BCAS3: variants seen among roughly 807,000 people sequenced by gnomAD.
BCAS3 encodes BCAS4/BCAS3 fusion.
BCAS3 carries 53 observed loss-of-function variants against 116.1 expected under a neutral mutation model. That is an observed-to-expected ratio of 0.46 (90% confidence interval 0.37 to 0.57). The LOEUF (loss-of-function observed/expected upper bound fraction) is 0.57. Ranked by LOEUF, BCAS3 falls within the 20% of genes least tolerant of loss-of-function variation. The pLI is 0.00. For missense variants in BCAS3, 917 were observed against 1,165.4 expected (o/e 0.79, Z 3.10); for synonymous variants, 391 against 408.2 (o/e 0.96, Z 0.51).
Position 61,037,647 on chromosome 17 carries a change from C to T in BCAS3, c.1763-242C>T, listed in dbSNP as rs1360324781. On this transcript the variant is annotated intron_variant, in intron 17 of 23. Coordinates refer to ENST00000407086, the MANE Select transcript of BCAS3 (RefSeq NM_017679.5). The surrounding 1 kb of genome is among the most constrained non-coding windows in gnomAD (Gnocchi z 4.7). ...ATTAGCCGGGTGTGGTGACAGGAGC[C>T]TGTAATCCCAGCTACTCAAGAGGCT... Among the ~76,000 whole-genome samples the T allele has an allele frequency of 6.6e-6, 1 of 152,114 alleles. No homozygotes were observed. Among genetic ancestry groups the T allele is most frequent in the Non-Finnish European group, 1.5e-5 (1 of 68,024 alleles).
At chr17:61,275,000 G>A (rs1006779911) in intron 22 of BCAS3, among the ~76,000 whole-genome samples, 16 of 152,180 alleles carry the variant, frequency 1.1e-4, no homozygotes, top group African/African-American at 3.6e-4. Flanking sequence ...ACAGATGAAC[G>A]CCACCATACT....
intron 22 of BCAS3, among the ~76,000 whole-genome samples, chr17:61,093,057 C>G (rs980180210): frequency 1.3e-5 from 2 of 151,834 alleles, no homozygotes; most frequent in Non-Finnish European, 2.9e-5. Flanking sequence ...CAGGTGCCCA[C>G]TACCACGCCC....
At chr17:60,786,547 G>GTGTATATATATATATATATATATATA (rs575616960) in intron 6 of BCAS3, among the ~76,000 whole-genome samples, 1 of 140,702 alleles carries the variant, frequency 7.1e-6, no homozygotes, top group African/African-American at 2.6e-5. Context: ...CTGCAAATGT[G>GTGTATATATATATATATATATATATA]TATATATATA....
intron 7 of BCAS3, among the ~76,000 whole-genome samples, chr17:60,820,362 T>A (rs1044729450): frequency 2.0e-5 from 3 of 152,152 alleles, no homozygotes; most frequent in Non-Finnish European, 4.4e-5. Context: ...GGGCATCTTA[T>A]TTCTCCAGAG....
intron 22 of BCAS3, among the ~76,000 whole-genome samples, chr17:61,107,865 G>A (rs1427521826): frequency 6.6e-6 from 1 of 152,174 alleles, no homozygotes; most frequent in Non-Finnish European, 1.5e-5. Flanking sequence ...TCATTCCACT[G>A]AGCTAAAGGC....
chr17:61,372,056 C>T (rs573105323), intron 23 of BCAS3, among the ~76,000 whole-genome samples: 3 of 152,310 alleles, frequency 2.0e-5, no homozygotes, highest in South Asian at 2.1e-4. Flanking sequence ...TCTTTCCATT[C>T]GGCAAACTCC....
intron 4 of BCAS3, among the ~76,000 whole-genome samples, chr17:60,693,894 T>C (rs2035215603): frequency 6.7e-6 from 1 of 148,360 alleles, no homozygotes; most frequent in Admixed American, 6.7e-5. Flanking sequence ...AATTTTTTTT[T>C]TTTTTTTTTG....
intron 13 of BCAS3, among the ~76,000 whole-genome samples, chr17:60,929,881 C>G (rs1355681418): frequency 6.6e-6 from 1 of 151,418 alleles, no homozygotes. Flanking sequence ...CATCTATGTC[C>G]CTACAAAGGA....
intron 22 of BCAS3, among the ~76,000 whole-genome samples, chr17:61,266,872 G>T (rs2049766503): frequency 1.3e-5 from 2 of 152,068 alleles, no homozygotes; most frequent in Non-Finnish European, 2.9e-5. Flanking sequence ...TTTCAGAAAG[G>T]CTAGAATAAA....
chr17:60,970,194 T>C (rs2061880394), intron 14 of BCAS3, among the ~76,000 whole-genome samples: 1 of 152,018 alleles, frequency 6.6e-6, no homozygotes, highest in Non-Finnish European at 1.5e-5. Flanking sequence ...AGATGGAGGG[T>C]GCTAGGGTGG....
intron 22 of BCAS3, among the ~76,000 whole-genome samples, chr17:61,218,827 C>T (rs1230208732): frequency 6.6e-6 from 1 of 152,120 alleles, no homozygotes; most frequent in South Asian, 2.1e-4. Flanking sequence ...TTATCATTGC[C>T]GCTTATGTCA....
At chr17:61,385,886 C>T (rs187172771) in intron 23 of BCAS3, among the ~76,000 whole-genome samples, 1 of 152,310 alleles carries the variant, frequency 6.6e-6, no homozygotes, top group East Asian at 1.9e-4. Context: ...CCATCTTCCT[C>T]CCTGGGCCAT....
In BCAS3 at chr17:61,228,952, C is replaced by T. The variant is rs998365662; in HGVS notation, c.2426-139375C>T. ...AGCTAGTCCTCTTGCAGCAGTTAGC[C>T]GAGTTGTTAATGTAAAGGAAAAGTT... On this transcript the variant is annotated intron_variant, in intron 22 of 23. Transcript: ENST00000407086. The surrounding 1 kb of genome is among the most constrained non-coding windows in gnomAD (Gnocchi z 5.0). 4.0e-5 allele frequency among the ~76,000 whole-genome samples: 6 copies of T among 151,674 alleles called. No homozygotes were observed. The highest frequency in any genetic ancestry group is 7.3e-5 in the African/African-American group (3 of 41,080).
At chr17:60,944,502 A>G (rs1599863434) in intron 13 of BCAS3, among the ~76,000 whole-genome samples, 1 of 152,272 alleles carries the variant, frequency 6.6e-6, no homozygotes, top group Middle Eastern at 3.4e-3. Context: ...TAACAGAGTA[A>G]GGAGCATTCC....
chr17:60,686,354 A>G (rs2034043126), intron 3 of BCAS3, among the ~76,000 whole-genome samples: 1 of 152,100 alleles, frequency 6.6e-6, no homozygotes, highest in South Asian at 2.1e-4. Context: ...CATGGAGCCT[A>G]GGTATTCTCT....
At chr17:60,840,130 C>A (rs2051760313) in intron 7 of BCAS3, among the ~76,000 whole-genome samples, 1 of 150,366 alleles carries the variant, frequency 6.7e-6, no homozygotes, top group South Asian at 2.1e-4. Context: ...AAAGAAAAAA[C>A]ATACTGTTAC....
intron 6 of BCAS3, among the ~76,000 whole-genome samples, chr17:60,771,803 T>C (rs1598605785): frequency 1.4e-5 from 2 of 139,910 alleles, no homozygotes; most frequent in Admixed American, 1.3e-4. Context: ...ACATGCAGTG[T>C]TTGGTTTTCT....
rs76466632 is a variant in BCAS3, at chr17:61,193,983, G to C, written c.2425+109419G>C. On this transcript the variant is annotated intron_variant, in intron 22 of 23. Transcript: ENST00000407086. ...AACACAAAAATTTGCCGGGCCTGGT[G>C]GTGGGCACCTGTAATCCCAGCTATT... Among the ~76,000 whole-genome samples the C allele has an allele frequency of 4.1e-3, 609 of 149,682 alleles. 3 individuals are homozygous for C. Among genetic ancestry groups the C allele is most frequent in the Middle Eastern group, 7.1e-3 (2 of 280 alleles).
At chr17:60,712,073 G>A (rs1429089640) in intron 5 of BCAS3, among the ~76,000 whole-genome samples, 1 of 152,202 alleles carries the variant, frequency 6.6e-6, no homozygotes, top group African/African-American at 2.4e-5. Flanking sequence ...GCTGAGGCAG[G>A]AGAATCGCTT....
Sources: allele counts gnomAD v4.1 joint callset (sites outside exome capture counted in the v4.1 genomes callset), GRCh38; gene constraint gnomAD v4.1.1; non-coding constraint Gnocchi (gnomAD v3.1); transcripts MANE v1.5; gene names NCBI Gene and HGNC (gene_info 2026-07-23, HGNC 2026-07-21).